PACSIN1: variants seen among roughly 807,000 people sequenced by gnomAD.
PACSIN1 encodes protein kinase C and casein kinase substrate in neurons protein 1.
A neutral mutation model predicts 59.5 loss-of-function variants in PACSIN1; 15 were observed. The observed-to-expected ratio is 0.25, with a 90% CI of 0.17 to 0.39. The LOEUF (loss-of-function observed/expected upper bound fraction) is 0.39, where lower values mean the gene tolerates loss of function less well. PACSIN1 is among the 10% of genes least tolerant of loss of function. The pLI, the probability that PACSIN1 is intolerant of heterozygous loss-of-function variation, is 1.00. For missense variants in PACSIN1, 420 were observed against 580.2 expected, an observed-to-expected ratio of 0.72 and a Z score of 2.84; for synonymous variants, 210 against 220.6, an observed-to-expected ratio of 0.95 and a Z score of 0.42.
intron 1 of PACSIN1, among the ~76,000 whole-genome samples, chr6:34,503,139 G>A (rs1312046226): frequency 6.6e-6 from 1 of 152,052 alleles, no homozygotes; most frequent in African/African-American, 2.4e-5. Flanking sequence ...ATGGTGGCCT[G>A]CACCTGTAGT....
Position 34,470,175 on chromosome 6 carries a change from C to CTATTATTATTATTATTATTAT in PACSIN1, c.-64+3907_-64+3927dup, listed in dbSNP as rs200734893. Among the ~76,000 whole-genome samples, 10 of 151,562 alleles carry CTATTATTATTATTATTATTAT rather than the reference C, an allele frequency of 6.6e-5. No homozygotes were observed. The South Asian group carries it at 1.5e-3, about 22-fold the overall frequency. On this transcript the variant is annotated intron_variant, in intron 1 of 9. Transcript: ENST00000244458. ...ACTGGGAGGGCAGGGGAGGCCTTGG[C>CTATTATTATTATTATTATTAT]TATTATTATTATTATTATTATTTTT...
intron 1 of PACSIN1, among the ~76,000 whole-genome samples, chr6:34,507,683 A>C (rs2127261979): frequency 6.6e-6 from 1 of 152,276 alleles, no homozygotes; most frequent in South Asian, 2.1e-4. Flanking sequence ...GAAGCTTTAT[A>C]CCCATCGAAT....
chr6:34,475,784 T>C (rs1412111919), intron 1 of PACSIN1, among the ~76,000 whole-genome samples: 1 of 152,194 alleles, frequency 6.6e-6, no homozygotes, highest in Admixed American at 6.5e-5. Flanking sequence ...ATTTCTGCTT[T>C]GAGCCTTGCC....
chr6:34,524,906 C>T (rs1475588839), intron 1 of PACSIN1, among the ~76,000 whole-genome samples: 3 of 152,228 alleles, frequency 2.0e-5, no homozygotes, highest in Non-Finnish European at 4.4e-5. Context: ...CCCAGCAGCC[C>T]CCTGGCAGCT....
chr6:34,530,277 A>C lies in PACSIN1; in HGVS notation c.823A>C (p.Ile275Leu). 1 of 1,614,088 alleles carries C rather than the reference A, an allele frequency of 6.2e-7. No homozygotes were observed. The highest frequency in any genetic ancestry group is 1.1e-5 in the South Asian group (1 of 91,066). The change falls in exon 7 of 10, where the codon ATC becomes CTC. Residue 275 changes from isoleucine (I) to leucine (L), a missense_variant. Ile to Leu is a conservative substitution (Grantham distance 5). Transcript: ENST00000244458. The surrounding 1 kb of genome is among the most constrained non-coding windows in gnomAD (Gnocchi z 4.4). ...IHVYRELEQA[I>L]RGADAQEDLR... Reference sequence around the variant, plus strand: ...TGTGTACCGTGAGCTGGAGCAGGCCATCCGGGGGGCTGATGCCCAGGAAGA... The same window carrying C: ...TGTGTACCGTGAGCTGGAGCAGGCCCTCCGGGGGGCTGATGCCCAGGAAGA...
chr6:34,491,163 G>T (rs1455488714), intron 1 of PACSIN1, among the ~76,000 whole-genome samples: 1 of 152,106 alleles, frequency 6.6e-6, no homozygotes, highest in Admixed American at 6.5e-5. Flanking sequence ...CTCTCCAGCT[G>T]CAGGAGAGGA....
chr6:34,519,253 T>C (rs553743270), intron 1 of PACSIN1, among the ~76,000 whole-genome samples: 148 of 152,224 alleles, frequency 9.7e-4, no homozygotes, highest in African/African-American at 3.2e-3. Context: ...CCTGGGCCTC[T>C]CTGGGGCCCT....
At chr6:34,473,525 A>T (rs1175464569) in intron 1 of PACSIN1, among the ~76,000 whole-genome samples, 2 of 152,182 alleles carry the variant, frequency 1.3e-5, no homozygotes, top group African/African-American at 4.8e-5. Context: ...CTGAGGTCAC[A>T]CATTTCATCA....
intron 1 of PACSIN1, among the ~76,000 whole-genome samples, chr6:34,476,807 G>A (rs1420808922): frequency 6.6e-6 from 1 of 152,178 alleles, no homozygotes; most frequent in Non-Finnish European, 1.5e-5. Context: ...CAAATCACAG[G>A]GGACTTCCTA....
intron 2 of PACSIN1, 69 bp from the exon 3 acceptor site, chr6:34,527,263 C>G (rs1241370852): frequency 3.2e-5 from 45 of 1,414,780 alleles, no homozygotes; most frequent in Non-Finnish European, 3.9e-5. Context: ...CGTGGCCGTG[C>G]TGGATGCGGC....
chr6:34,483,243 T>G (rs1320304486), intron 1 of PACSIN1, among the ~76,000 whole-genome samples: 1 of 152,128 alleles, frequency 6.6e-6, no homozygotes, highest in Admixed American at 6.5e-5. Context: ...TGGGCTCAAG[T>G]GATCTGCCCA....
At chr6:34,511,578 G>A (rs929195336) in intron 1 of PACSIN1, among the ~76,000 whole-genome samples, 2 of 152,128 alleles carry the variant, frequency 1.3e-5, no homozygotes, top group African/African-American at 4.8e-5. Flanking sequence ...AGGGCCACTG[G>A]ACATTTTCTA....
At chr6:34,526,428 G>C (rs753882169) in intron 2 of PACSIN1, 60 bp downstream of exon 2, 7 of 1,434,856 alleles carry the variant, frequency 4.9e-6, no homozygotes, top group Non-Finnish European at 6.8e-6. Flanking sequence ...TGGAGGCCAG[G>C]CTCCCTTATC....
chr6:34,510,003 G>A (rs1277156617), intron 1 of PACSIN1, among the ~76,000 whole-genome samples: 5 of 152,168 alleles, frequency 3.3e-5, no homozygotes, highest in South Asian at 4.1e-4. Context: ...TCCACTATGT[G>A]AACAAACCAC....
chr6:34,477,248 T>TGGGAGGCCAAAGC (rs140250893), intron 1 of PACSIN1, among the ~76,000 whole-genome samples: 3,391 of 151,896 alleles, frequency 0.022, 65 homozygotes, highest in Non-Finnish European at 0.034. Flanking sequence ...CCCAGCACTT[T>TGGGAGGCCAAAGC]GGGAGGCCAA....
At position 34,532,563 on chromosome 6, in the gene PACSIN1, C is replaced by T. The variant is rs1395839078; in HGVS notation, c.*33C>T. 12 of 1,245,212 alleles carry T rather than the reference C, an allele frequency of 9.6e-6. No homozygotes were observed. The highest frequency in any genetic ancestry group is 1.4e-5 in the Non-Finnish European group (12 of 877,582). The allele number at this position is 1,245,212 out of a possible 1,614,324, so 77.1% of individuals were successfully genotyped here. On this transcript the variant is annotated 3_prime_UTR_variant, in exon 10 of 10. Transcript: ENST00000244458. The surrounding 1 kb of genome is among the most constrained non-coding windows in gnomAD (Gnocchi z 5.2). ...CTCCCTCCATACTCCCGTCACTCCTCCCCACTGCCGCCCCTCCCCTCCCAC... is the reference window on the plus strand; with the variant it reads ...CTCCCTCCATACTCCCGTCACTCCTTCCCACTGCCGCCCCTCCCCTCCCAC...
Position 34,529,910 on chromosome 6 carries a change from A to T in PACSIN1, c.788+69A>T. 6.7e-7 allele frequency: 1 copy of T among 1,501,464 alleles called. No homozygotes were observed. Among genetic ancestry groups the T allele is most frequent in the Non-Finnish European group, 9.1e-7 (1 of 1,100,178 alleles). 93.0% of individuals were successfully genotyped at this position (1,501,464 alleles called of 1,614,324 possible). ...AGATGGTGTGACTGGCATGCAGGGC[A>T]TCCCAGCCCTCCATCACAGTGACGG... On this transcript the variant is annotated intron_variant, in intron 6 of 9. Transcript: ENST00000244458. The surrounding 1 kb of genome is among the most constrained non-coding windows in gnomAD (Gnocchi z 6.3).
Position 34,529,323 on chromosome 6 carries a change from A to G in PACSIN1, c.457-74A>G, listed in dbSNP as rs2127274905. ...ACAGGTCCCAGGGAGTGGGCAGGGG[A>G]GGAGTTAATGGGTGACCATGTTTGC... On this transcript the variant is annotated intron_variant, in intron 4 of 9. Coordinates refer to ENST00000244458, the MANE Select transcript of PACSIN1 (RefSeq NM_020804.5). This position sits in a 1 kb window ranked among gnomAD's most constrained non-coding sequence, Gnocchi z 6.3. 6.5e-7 allele frequency: 1 copy of G among 1,528,440 alleles called. No individual in the cohort carries two copies. The highest frequency in any genetic ancestry group is 9.0e-7 in the Non-Finnish European group (1 of 1,111,178). 94.7% of individuals were successfully genotyped at this position (1,528,440 alleles called of 1,614,324 possible).
At chr6:34,503,381 A>G (rs1017291483) in intron 1 of PACSIN1, among the ~76,000 whole-genome samples, 78 of 152,298 alleles carry the variant, frequency 5.1e-4, no homozygotes, top group African/African-American at 1.8e-3. Context: ...TTTGTGTGAG[A>G]TGAGTAAAGA....
Sources: gnomAD v4.1 joint callset for allele counts (sites outside exome capture counted in the v4.1 genomes callset) on GRCh38, gnomAD v4.1.1 for gene constraint, Gnocchi (gnomAD v3.1) non-coding constraint, MANE v1.5 for transcripts, NCBI Gene and HGNC (gene_info 2026-07-23, HGNC 2026-07-21) for gene names.